The following LRP1B variants were observed in gnomAD, a reference collection of about 807,000 sequenced individuals.
LRP1B encodes the protein LDL receptor related protein 1B, also known as low-density lipoprotein receptor-related protein 1B.
LRP1B carries 217 observed loss-of-function variants against 556.6 expected under a neutral mutation model. That is an observed-to-expected ratio of 0.39 (90% CI 0.35 to 0.44). LRP1B has a LOEUF of 0.44. Ranked by LOEUF, LRP1B falls within the 20% of genes least tolerant of loss-of-function variation. LRP1B has a pLI of 1.00. For synonymous variants in LRP1B, 2,047 were observed against 1,865.8 expected (o/e 1.10, Z -2.50); for missense variants, 5,053 against 5,620.8 (o/e 0.90, Z 3.23).
At chr2:140,444,508 C>T (rs1426706109) in intron 64 of LRP1B, 55 bp downstream of exon 64, 1 of 1,612,666 alleles carries the variant, frequency 6.2e-7, no homozygotes, top group African/African-American at 1.3e-5. Flanking sequence ...ATCACACAGA[C>T]ATAATCAGTT....
chr2:141,015,643 C>T, intron 13 of LRP1B, 53 bp downstream of exon 13: 1 of 1,344,280 alleles, frequency 7.4e-7, no homozygotes, highest in South Asian at 1.2e-5. Context: ...CACAACAAGG[C>T]TCTGTGAAAA....
At chr2:141,557,813 A>G (rs1686014580) in intron 2 of LRP1B, among the ~76,000 whole-genome samples, 1 of 151,898 alleles carries the variant, frequency 6.6e-6, no homozygotes, top group African/African-American at 2.4e-5. Flanking sequence ...TTATTATGGT[A>G]GCTGTGTCTA....
At chr2:140,939,122 A>G (rs1695318860) in intron 20 of LRP1B, among the ~76,000 whole-genome samples, 1 of 152,090 alleles carries the variant, frequency 6.6e-6, no homozygotes, top group Non-Finnish European at 1.5e-5. Context: ...AAAGTACTAC[A>G]AGGGATGGAT....
At chr2:140,942,532 G>T (rs947329150) in intron 20 of LRP1B, among the ~76,000 whole-genome samples, 5 of 152,066 alleles carry the variant, frequency 3.3e-5, no homozygotes, top group Non-Finnish European at 7.4e-5. Flanking sequence ...TTTAAAGGCA[G>T]CTAGAGACAA....
At chr2:140,375,627 T>C (rs984029658) in intron 68 of LRP1B, among the ~76,000 whole-genome samples, 7 of 152,178 alleles carry the variant, frequency 4.6e-5, no homozygotes, top group African/African-American at 1.7e-4. Context: ...ATTTTGATTC[T>C]AATGACATTG....
intron 43 of LRP1B, among the ~76,000 whole-genome samples, chr2:140,576,324 C>T (rs1335506210): frequency 6.6e-6 from 1 of 152,142 alleles, no homozygotes; most frequent in African/African-American, 2.4e-5. Flanking sequence ...CTTCCTACTT[C>T]CTTTGGGAAA....
chr2:141,403,762 T>C (rs1690528865), intron 3 of LRP1B, among the ~76,000 whole-genome samples: 1 of 152,188 alleles, frequency 6.6e-6, no homozygotes, highest in Non-Finnish European at 1.5e-5. Flanking sequence ...GTACAATTTT[T>C]ATAATATAGC....
intron 50 of LRP1B, among the ~76,000 whole-genome samples, chr2:140,516,255 G>GA (rs1371999127): frequency 6.6e-6 from 1 of 151,580 alleles, no homozygotes; most frequent in Non-Finnish European, 1.5e-5. Flanking sequence ...AGAAGTATTT[G>GA]AAAAAATAAG....
At chr2:140,499,256 G>A (rs1208054762) in intron 55 of LRP1B, among the ~76,000 whole-genome samples, 4 of 151,822 alleles carry the variant, frequency 2.6e-5, no homozygotes, top group Admixed American at 2.6e-4. Flanking sequence ...CTTCTTATAT[G>A]CAGGCATTTA....
At chr2:141,667,193 A>G (rs942906657) in intron 2 of LRP1B, among the ~76,000 whole-genome samples, 5 of 152,172 alleles carry the variant, frequency 3.3e-5, no homozygotes, top group Admixed American at 3.3e-4. Flanking sequence ...GGTCAATACT[A>G]GAGGTTCCAT....
chr2:141,963,289 G>T (rs1221143946), intron 1 of LRP1B, among the ~76,000 whole-genome samples: 1 of 151,842 alleles, frequency 6.6e-6, no homozygotes, highest in African/African-American at 2.4e-5. Context: ...GCTGGAATAT[G>T]AATACATCAA....
At chr2:141,453,127 C>T (rs1681486108) in intron 3 of LRP1B, among the ~76,000 whole-genome samples, 1 of 152,008 alleles carries the variant, frequency 6.6e-6, no homozygotes, top group Non-Finnish European at 1.5e-5. Context: ...GTCCCAGCTA[C>T]TCAGGAGGCT....
chr2:140,400,059 T>C lies in LRP1B; in HGVS notation c.10415-14050A>G, dbSNP rs1326985595. On this transcript the variant is annotated intron_variant, in intron 66 of 90. Coordinates refer to ENST00000389484, the MANE Select transcript of LRP1B (RefSeq NM_018557.3). ...GTTGAGAGTCCCTTAGATGTAGAGA[T>C]GGCCTTAGGTTCTTGAACACTCAAG... is the stretch of plus-strand genomic sequence containing the variant. Among the ~76,000 whole-genome samples, 5 of 152,202 alleles carry C rather than the reference T, an allele frequency of 3.3e-5. No homozygotes were observed. The East Asian group carries it at 9.6e-4, about 29-fold the overall frequency.
intron 32 of LRP1B, among the ~76,000 whole-genome samples, chr2:140,778,181 G>T (rs1689564165): frequency 6.6e-6 from 1 of 152,164 alleles, no homozygotes; most frequent in African/African-American, 2.4e-5. Flanking sequence ...TGGAGGGAAT[G>T]TCTTATGAGA....
intron 15 of LRP1B, 21 bp from the exon 16 acceptor site, chr2:140,994,156 G>C (rs752678326): frequency 1.2e-6 from 2 of 1,606,908 alleles, no homozygotes; most frequent in Non-Finnish European, 1.7e-6. Context: ...AAAAACCCAA[G>C]GTATATGAAT....
chr2:140,541,341 G>A (rs1680126539), intron 44 of LRP1B, among the ~76,000 whole-genome samples: 1 of 152,024 alleles, frequency 6.6e-6, no homozygotes, highest in Non-Finnish European at 1.5e-5. Flanking sequence ...AGTTCTGCTA[G>A]AAACCACATT....
intron 3 of LRP1B, among the ~76,000 whole-genome samples, chr2:141,298,541 T>C (rs1686271915): frequency 6.6e-6 from 1 of 152,184 alleles, no homozygotes; most frequent in South Asian, 2.1e-4. Context: ...CACACATTGA[T>C]GCTGGGAGGC....
intron 18 of LRP1B, among the ~76,000 whole-genome samples, chr2:140,959,889 A>T (rs1239623270): frequency 1.3e-5 from 2 of 151,758 alleles, no homozygotes; most frequent in Non-Finnish European, 3.0e-5. Flanking sequence ...TCAAATTCAT[A>T]CACTGCAATT....
At chr2:141,257,264 AAT>A (rs1684504220) in intron 3 of LRP1B, among the ~76,000 whole-genome samples, 1 of 152,140 alleles carries the variant, frequency 6.6e-6, no homozygotes, top group Admixed American at 6.5e-5. Context: ...TCTCACAGAA[AAT>A]AGATTCAGTT....
Sources: allele counts gnomAD v4.1 joint callset (sites outside exome capture counted in the v4.1 genomes callset), GRCh38; gene constraint gnomAD v4.1.1; transcripts MANE v1.5; gene names NCBI Gene and HGNC (gene_info 2026-07-23, HGNC 2026-07-21).